The following CEP152 variants were observed in gnomAD, a reference collection of about 807,000 sequenced individuals.
CEP152 encodes centrosomal protein 152.
Under a neutral mutation model 188.9 loss-of-function variants are expected in CEP152, and 132 were observed. The observed-to-expected ratio is 0.70, with a 90% CI of 0.61 to 0.81. The LOEUF (loss-of-function observed/expected upper bound fraction) is 0.81, where lower values mean the gene tolerates loss of function less well. Ranked by LOEUF, CEP152 falls within the 30% of genes least tolerant of loss-of-function variation. CEP152 has a pLI of 0.00. For missense variants in CEP152, 1,914 were observed against 1,969.8 expected (o/e 0.97, Z 0.54); for synonymous variants, 649 against 666.6 (o/e 0.97, Z 0.41).
Position 48,741,927 on chromosome 15 carries a change from A to C in CEP152, c.3989+20T>G. ...TGTTGTCCTGGTAATCTCAGGACACATTGTTCAGACTGAACTCACCCTTCT... is the reference window on the plus strand; with the variant it reads ...TGTTGTCCTGGTAATCTCAGGACACCTTGTTCAGACTGAACTCACCCTTCT... On this transcript the variant is annotated intron_variant, in intron 25 of 26. Transcript: ENST00000380950. 2 of 1,614,198 alleles carry C rather than the reference A, an allele frequency of 1.2e-6. No homozygotes were observed. The highest frequency in any genetic ancestry group is 1.7e-6 in the Non-Finnish European group (2 of 1,180,010).
intron 23 of CEP152, 74 bp downstream of exon 23, chr15:48,744,821 TG>T: frequency 7.3e-7 from 1 of 1,372,292 alleles, no homozygotes; most frequent in Non-Finnish European, 9.9e-7. Context: ...CAAAAAAAAT[TG>T]ATACTTAAAA....
chr15:48,776,560 T>C (rs759107842), intron 12 of CEP152, among the ~76,000 whole-genome samples: 1 of 152,118 alleles, frequency 6.6e-6, no homozygotes, highest in South Asian at 2.1e-4. Context: ...ACAAGGATGC[T>C]TATAACAATG....
intron 22 of CEP152, among the ~76,000 whole-genome samples, chr15:48,745,748 G>A (rs1893360742): frequency 6.6e-6 from 1 of 152,052 alleles, no homozygotes; most frequent in African/African-American, 2.4e-5. Flanking sequence ...GTGGTATGAA[G>A]GAAAACACAT....
chr15:48,756,382 C>A lies in CEP152; in HGVS notation c.2866G>T (p.Ala956Ser), dbSNP rs752847804. The A allele has an allele frequency of 1.9e-6, 3 of 1,604,208 alleles. No individual in the cohort carries two copies. In the South Asian group the frequency reaches 3.4e-5, roughly 18 times the overall value. ...PVVIRAELAK[A>S]RSEWNKEKQE... ...TTTTCTTTGTTCCATTCACTCCGAG[C>A]CTTAGCTAACTCAGCCCTGATGACC... is the stretch of plus-strand genomic sequence containing the variant. Residue 956 changes from alanine (A) to serine (S), a missense_variant, in exon 20 of 27, where the codon GCT becomes TCT. Transcript: ENST00000380950.
chr15:48,745,005 G>A lies in CEP152; in HGVS notation c.3635-13C>T, dbSNP rs191734180. On this transcript the variant is annotated splice_polypyrimidine_tract_variant and intron_variant, in intron 22 of 26. Coordinates refer to ENST00000380950, the MANE Select transcript of CEP152 (RefSeq NM_001194998.2). ...TTATTATTCTCTTCTATAACAGAAA[G>A]TTTATAGTATATTAGACAGTTAAAA... is the stretch of plus-strand genomic sequence containing the variant. The A allele has an allele frequency of 3.2e-6, 5 of 1,573,762 alleles. No individual in the cohort carries two copies. The highest frequency in any genetic ancestry group is 3.9e-4 in the Middle Eastern group (2 of 5,080).
intron 23 of CEP152, 152 bp downstream of exon 23, chr15:48,744,744 T>C: frequency 2.8e-6 from 2 of 724,696 alleles, no homozygotes; most frequent in Non-Finnish European, 4.4e-6. Flanking sequence ...AAGAGGTCAC[T>C]AGAGGGTATC....
chr15:48,794,038 G>T (rs1262340661), intron 6 of CEP152, among the ~76,000 whole-genome samples: 2 of 152,090 alleles, frequency 1.3e-5, no homozygotes, highest in Non-Finnish European at 2.9e-5. Context: ...GATTAATCAA[G>T]AATTTTGGGG....
intron 9 of CEP152, 96 bp downstream of exon 9, chr15:48,788,705 T>C (rs1240119090): frequency 3.4e-6 from 4 of 1,179,340 alleles, no homozygotes; most frequent in South Asian, 1.2e-5. Context: ...ACTACAAACA[T>C]CCAAGACTTC....
At chr15:48,762,190 T>C (rs1894734332) in intron 18 of CEP152, among the ~76,000 whole-genome samples, 1 of 152,174 alleles carries the variant, frequency 6.6e-6, no homozygotes, top group Non-Finnish European at 1.5e-5. Context: ...CGAAAGAATA[T>C]ACAGAAAAAC....
At chr15:48,761,384 T>C (rs1030186400) in intron 18 of CEP152, among the ~76,000 whole-genome samples, 1 of 152,120 alleles carries the variant, frequency 6.6e-6, no homozygotes, top group Non-Finnish European at 1.5e-5. Context: ...TGCTATCTTG[T>C]TTAAGAGTTT....
At chr15:48,764,911 G>A (rs1894946961) in intron 17 of CEP152, among the ~76,000 whole-genome samples, 1 of 151,754 alleles carries the variant, frequency 6.6e-6, no homozygotes, top group South Asian at 2.1e-4. Flanking sequence ...CTTATGTCCT[G>A]CATGGAAGAG....
chr15:48,797,843 A>T, intron 3 of CEP152, 105 bp downstream of exon 3: 1 of 1,503,642 alleles, frequency 6.7e-7, no homozygotes, highest in Non-Finnish European at 9.2e-7. Context: ...CCAAAATTTT[A>T]AGAATCAATT....
rs1226229567 is a variant in CEP152, at chr15:48,767,106, A to G, written c.2234T>C (p.Leu745Ser). Residue 745 changes from leucine (L) to serine (S), a missense_variant, in exon 17 of 27, where the codon TTG becomes TCG. By Grantham distance (145) the Leu-to-Ser change is moderately radical. Transcript: ENST00000380950. ...CTTTTCAGTGGTCTTCCTGAGAGTC[A>G]ATTCTAGATTATCCTTCTCTCTGCA... Reference protein sequence around the residue: ...EVCREKDNLELTLRKTTEKEQ... With the variant: ...EVCREKDNLESTLRKTTEKEQ... 2 of 1,613,496 alleles carry G rather than the reference A, an allele frequency of 1.2e-6. No individual in the cohort carries two copies. Among genetic ancestry groups the G allele is most frequent in the East Asian group, 4.5e-5 (2 of 44,858 alleles).
chr15:48,762,078 T>G (rs1894725774), intron 18 of CEP152, among the ~76,000 whole-genome samples: 1 of 152,218 alleles, frequency 6.6e-6, no homozygotes, highest in African/African-American at 2.4e-5. Flanking sequence ...TATGAAAGAT[T>G]AATAATTAAA....
chr15:48,809,253 T>C (rs1898185290), intron 1 of CEP152, among the ~76,000 whole-genome samples: 1 of 152,220 alleles, frequency 6.6e-6, no homozygotes, highest in African/African-American at 2.4e-5. Context: ...TGTTACCTTA[T>C]ACGAATTCAT....
chr15:48,797,941 T>G lies in CEP152; in HGVS notation c.191+7A>C. 1 of 1,611,178 alleles carries G rather than the reference T, an allele frequency of 6.2e-7. No individual in the cohort carries two copies. Among genetic ancestry groups the G allele is most frequent in the Non-Finnish European group, 8.5e-7 (1 of 1,177,560 alleles). The stretch of plus-strand genomic sequence containing the variant: ...ATATACAAGTGAAAGTGACTTCAGG[T>G]GCTTACTGTCCGTCTGTGCCATCCT... On this transcript the variant is annotated splice_region_variant and intron_variant, in intron 3 of 26. Transcript: ENST00000380950.
chr15:48,759,821 G>A (rs1052977006), intron 19 of CEP152, among the ~76,000 whole-genome samples: 1 of 152,174 alleles, frequency 6.6e-6, no homozygotes, highest in Non-Finnish European at 1.5e-5. Context: ...CAATCTTTAA[G>A]CATGTGAAAG....
chr15:48,739,008 C>CCTT lies in CEP152; in HGVS notation c.4371_4373dup (p.Arg1458dup), dbSNP rs757819368. On this transcript the variant is annotated inframe_insertion, in exon 27 of 27. Transcript: ENST00000380950. ...AAGGAACAAACTCAGGAGAAACATT[C>CCTT]CTTGGCAAACTGTTTAGGTGCTTGC... 1.2e-6 allele frequency: 2 copies of CCTT among 1,614,110 alleles called. No homozygotes were observed. The highest frequency in any genetic ancestry group is 2.2e-5 in the South Asian group (2 of 91,060).
chr15:48,754,946 CT>C (rs1894149332), intron 20 of CEP152, among the ~76,000 whole-genome samples: 1 of 151,896 alleles, frequency 6.6e-6, no homozygotes, highest in Non-Finnish European at 1.5e-5. Flanking sequence ...CTTGAAACTC[CT>C]TAATCACAAT....
Sources: allele counts gnomAD v4.1 joint callset (sites outside exome capture counted in the v4.1 genomes callset), GRCh38; gene constraint gnomAD v4.1.1; transcripts MANE v1.5; gene names NCBI Gene and HGNC (gene_info 2026-07-23, HGNC 2026-07-21).